DLG2: variants seen among roughly 807,000 people sequenced by gnomAD.
DLG2 encodes discs large MAGUK scaffold protein 2, also known as disks large homolog 2.
A neutral mutation model predicts 132.5 loss-of-function variants in DLG2; 45 were observed. That is an observed-to-expected ratio of 0.34 (90% confidence interval 0.27 to 0.44). The LOEUF is 0.44. DLG2 is among the 20% of genes least tolerant of loss of function. The pLI is 1.00. For missense variants in DLG2, 1,045 were observed against 1,196.9 expected (o/e 0.87, Z 1.87); for synonymous variants, 424 against 419.6 (o/e 1.01, Z -0.13).
At chr11:84,361,148 G>T (rs924145000) in intron 7 of DLG2, among the ~76,000 whole-genome samples, 4 of 151,800 alleles carry the variant, frequency 2.6e-5, no homozygotes, top group Non-Finnish European at 5.9e-5. Context: ...TACAGTCCTA[G>T]AAAGTGGGAG....
intron 3 of DLG2, among the ~76,000 whole-genome samples, chr11:85,334,993 G>T (rs1345715824): frequency 6.6e-6 from 1 of 152,046 alleles, no homozygotes. Context: ...TTTTCTCAAT[G>T]ATCTCTCTAA....
At chr11:85,602,053 T>C (rs2080201839) in intron 2 of DLG2, among the ~76,000 whole-genome samples, 1 of 152,232 alleles carries the variant, frequency 6.6e-6, no homozygotes, top group East Asian at 1.9e-4. Context: ...GGATGTCTAA[T>C]AAGCATCTCA....
In DLG2 at chr11:83,459,789, C is replaced by T. The variant is rs747177355; in HGVS notation, c.*29G>A. ...ATATTTTGTTCTTCTAAATGCTCTT[C>T]TGTCGTTGTCAGAGGCGCAGTAGCT... On this transcript the variant is annotated 3_prime_UTR_variant, in exon 28 of 28. Transcript: ENST00000376104. 3 of 1,194,376 alleles carry T rather than the reference C, an allele frequency of 2.5e-6. No homozygotes were observed. Among genetic ancestry groups the T allele is most frequent in the African/African-American group, 3.0e-5 (2 of 66,290 alleles). The allele number at this position is 1,194,376 out of a possible 1,614,324, so 74.0% of individuals were successfully genotyped here. A position where few individuals can be genotyped will look rare whatever the true frequency, so the allele number is the denominator to read the frequency against.
At chr11:85,534,549 A>G (rs959478876) in intron 3 of DLG2, among the ~76,000 whole-genome samples, 1 of 152,052 alleles carries the variant, frequency 6.6e-6, no homozygotes, top group Non-Finnish European at 1.5e-5. Flanking sequence ...CTTTATGTCA[A>G]TTGTGTACCC....
At chr11:83,682,512 C>T (rs1024803226) in intron 18 of DLG2, 6 of 900,870 alleles carry the variant, frequency 6.7e-6, no homozygotes, top group Admixed American at 6.2e-5. Flanking sequence ...CAGTAGTGTA[C>T]CCCCATCCTC....
chr11:83,511,624 G>A (rs184756351), intron 21 of DLG2, among the ~76,000 whole-genome samples: 4 of 151,490 alleles, frequency 2.6e-5, no homozygotes, highest in African/African-American at 7.3e-5. Flanking sequence ...AGCATTGATT[G>A]TTTTTGTCAA....
intron 6 of DLG2, among the ~76,000 whole-genome samples, chr11:84,802,229 G>T (rs987480596): frequency 1.3e-5 from 2 of 151,998 alleles, no homozygotes; most frequent in Non-Finnish European, 2.9e-5. Flanking sequence ...TGTCCATAGG[G>T]TCCTCAAAGA....
At chr11:85,367,082 CAA>C (rs1245744163) in intron 3 of DLG2, among the ~76,000 whole-genome samples, 1 of 152,132 alleles carries the variant, frequency 6.6e-6, no homozygotes, top group East Asian at 1.9e-4. Context: ...TTAGCGTTAA[CAA>C]TTCCATGAAG....
At chr11:84,025,870 A>C (rs1394167049) in intron 11 of DLG2, among the ~76,000 whole-genome samples, 1 of 152,140 alleles carries the variant, frequency 6.6e-6, no homozygotes. Context: ...CCAAAGCCAA[A>C]TTGTGTAAGC....
At chr11:83,979,031 G>C (rs1592241990) in intron 12 of DLG2, among the ~76,000 whole-genome samples, 1 of 152,046 alleles carries the variant, frequency 6.6e-6, no homozygotes, top group East Asian at 1.9e-4. Flanking sequence ...ACTGCTGTTA[G>C]AAATATGTTA....
At chr11:85,489,805 T>C (rs2093515770) in intron 3 of DLG2, among the ~76,000 whole-genome samples, 1 of 152,184 alleles carries the variant, frequency 6.6e-6, no homozygotes, top group South Asian at 2.1e-4. Context: ...AACAACATGC[T>C]CCTAAATTAT....
intron 21 of DLG2, among the ~76,000 whole-genome samples, chr11:83,492,449 C>A (rs1011412055): frequency 6.6e-6 from 1 of 151,916 alleles, no homozygotes; most frequent in Non-Finnish European, 1.5e-5. Context: ...AGGAGCCTTC[C>A]CTGTCTCCAG....
intron 7 of DLG2, among the ~76,000 whole-genome samples, chr11:84,291,416 T>G (rs1404753678): frequency 6.6e-6 from 1 of 152,194 alleles, no homozygotes; most frequent in Admixed American, 6.6e-5. Flanking sequence ...AGTAGTATAA[T>G]TTACATTATG....
At chr11:84,441,417 C>T (rs952140459) in intron 7 of DLG2, among the ~76,000 whole-genome samples, 14 of 151,940 alleles carry the variant, frequency 9.2e-5, no homozygotes, top group African/African-American at 3.1e-4. Flanking sequence ...GTTCTCCAAG[C>T]GATTAGCTGA....
chr11:85,415,952 A>T (rs2089801500), intron 3 of DLG2, among the ~76,000 whole-genome samples: 1 of 152,220 alleles, frequency 6.6e-6, no homozygotes, highest in African/African-American at 2.4e-5. Context: ...GCCCATGCCT[A>T]TGTCATGAAT....
intron 11 of DLG2, among the ~76,000 whole-genome samples, chr11:84,002,231 T>C (rs1372794362): frequency 6.6e-6 from 1 of 152,148 alleles, no homozygotes; most frequent in Non-Finnish European, 1.5e-5. Flanking sequence ...GACACGACCA[T>C]TGATACATGC....
At chr11:84,364,493 AC>A (rs2098669956) in intron 7 of DLG2, among the ~76,000 whole-genome samples, 1 of 152,076 alleles carries the variant, frequency 6.6e-6, no homozygotes, top group African/African-American at 2.4e-5. Flanking sequence ...CTAACTGAAT[AC>A]CCTTTATTTC....
chr11:83,525,075 C>T (rs2095573082), intron 21 of DLG2, among the ~76,000 whole-genome samples: 1 of 152,186 alleles, frequency 6.6e-6, no homozygotes, highest in Non-Finnish European at 1.5e-5. Context: ...CGCCATTCCA[C>T]AGAATAGCAG....
At chr11:84,145,188 C>A (rs182128611) in intron 9 of DLG2, among the ~76,000 whole-genome samples, 60 of 152,284 alleles carry the variant, frequency 3.9e-4, no homozygotes, top group African/African-American at 1.3e-3. Context: ...CTTTCCATTG[C>A]AGATTTTGTC....
Sources: gnomAD v4.1 joint callset for allele counts (sites outside exome capture counted in the v4.1 genomes callset) on GRCh38, gnomAD v4.1.1 for gene constraint, MANE v1.5 for transcripts, NCBI Gene and HGNC (gene_info 2026-07-23, HGNC 2026-07-21) for gene names.